The following CFAP20DC variants were observed in gnomAD, a reference collection of about 807,000 sequenced individuals.
The protein encoded by CFAP20DC is CFAP20 domain containing, also known as protein CFAP20DC.
CFAP20DC carries 84 observed loss-of-function variants against 101.7 expected under a neutral mutation model. The ratio of observed to expected loss-of-function variants is 0.83; its 90% CI spans 0.69 to 0.99. The LOEUF (loss-of-function observed/expected upper bound fraction) is 0.99, where lower values mean the gene tolerates loss of function less well. Ranked by LOEUF, CFAP20DC falls within the 50% of genes least tolerant of loss-of-function variation. CFAP20DC has a pLI of 0.00. For missense variants in CFAP20DC, 1,007 were observed against 970.3 expected (o/e 1.04, Z -0.50); for synonymous variants, 359 against 351.2 (o/e 1.02, Z -0.25).
intron 3 of CFAP20DC, among the ~76,000 whole-genome samples, chr3:58,723,792 C>T (rs1052088889): frequency 6.6e-6 from 1 of 152,172 alleles, no homozygotes; most frequent in Admixed American, 6.5e-5. Flanking sequence ...GCAAGTAATG[C>T]CTGGCATGTG....
intron 5 of CFAP20DC, among the ~76,000 whole-genome samples, chr3:58,922,807 G>GA (rs1553724797): frequency 6.7e-6 from 1 of 148,670 alleles, no homozygotes; most frequent in Non-Finnish European, 1.5e-5. Flanking sequence ...TCTTTGTTCT[G>GA]TTTTTTTTTC....
At chr3:58,817,516 G>A (rs1192720806) in intron 14 of CFAP20DC, among the ~76,000 whole-genome samples, 8 of 145,030 alleles carry the variant, frequency 5.5e-5, no homozygotes, top group Non-Finnish European at 1.1e-4. Context: ...GAGCCGATGC[G>A]ATCAACTGGA....
intron 15 of CFAP20DC, among the ~76,000 whole-genome samples, chr3:58,778,793 C>G (rs1288115264): frequency 6.6e-6 from 1 of 152,190 alleles, no homozygotes; most frequent in Non-Finnish European, 1.5e-5. Context: ...CCCAGCAAAA[C>G]TTCACTAAGT....
chr3:58,784,543 T>C (rs549680379), intron 15 of CFAP20DC, among the ~76,000 whole-genome samples: 2 of 152,178 alleles, frequency 1.3e-5, no homozygotes, highest in African/African-American at 2.4e-5. Context: ...AGGAATGAGA[T>C]AATATTCTTT....
chr3:58,761,669 C>G (rs1052452904), intron 15 of CFAP20DC, among the ~76,000 whole-genome samples: 6 of 152,246 alleles, frequency 3.9e-5, no homozygotes, highest in African/African-American at 1.4e-4. Context: ...CTCTTGTGGG[C>G]ATTTAGTGCT....
chr3:58,741,499 ATTTT>A (rs570289689), downstream of CFAP20DC, among the ~76,000 whole-genome samples: 2 of 142,978 alleles, frequency 1.4e-5, no homozygotes, highest in South Asian at 4.5e-4. Flanking sequence ...TTGTCAAAAT[ATTTT>A]TTTTTTTTTT....
chr3:58,929,696 T>C (rs958568409), intron 5 of CFAP20DC, among the ~76,000 whole-genome samples: 2 of 152,208 alleles, frequency 1.3e-5, no homozygotes, highest in African/African-American at 4.8e-5. Flanking sequence ...TTATATTTAA[T>C]TCCCATTCTT....
intron 3 of CFAP20DC, among the ~76,000 whole-genome samples, chr3:58,719,254 A>G (rs1033783028): frequency 1.1e-4 from 17 of 151,966 alleles, no homozygotes; most frequent in African/African-American, 4.1e-4. Flanking sequence ...ACAAAAGAAA[A>G]ATGCTGTTTT....
intron 14 of CFAP20DC, among the ~76,000 whole-genome samples, chr3:58,818,793 A>G (rs2075393973): frequency 8.1e-6 from 1 of 123,384 alleles, no homozygotes; most frequent in Admixed American, 8.7e-5. Flanking sequence ...AAGCGGACCT[A>G]ATAGACATCT....
rs892464548 is a variant in CFAP20DC at position 58,861,539 on chromosome 3, A to G, written c.1593+2019T>C. On this transcript the variant is annotated intron_variant, in intron 12 of 16. Coordinates refer to ENST00000482387, the MANE Select transcript of CFAP20DC (RefSeq NM_001394063.1). This position sits in a 1 kb window ranked among gnomAD's most constrained non-coding sequence, Gnocchi z 4.0. The stretch of plus-strand genomic sequence containing the variant: ...AGGAAAAGAAATTACCAAAAGTACA[A>G]AAGAAAAAATCCAATTTTGTTAAGA... 1.0e-6 allele frequency: 1 copy of G among 980,512 alleles called. No homozygotes were observed. The highest frequency in any genetic ancestry group is 6.2e-5 in the Admixed American group (1 of 16,258). The allele number at this position is 980,512 out of a possible 1,614,324, so 60.7% of individuals were successfully genotyped here.
chr3:58,730,836 A>AGGT (rs1334089257), intron 3 of CFAP20DC, among the ~76,000 whole-genome samples: 7 of 152,192 alleles, frequency 4.6e-5, no homozygotes. Context: ...AGTGTGGTTC[A>AGGT]GTGATAACAC....
intron 7 of CFAP20DC, among the ~76,000 whole-genome samples, chr3:58,878,443 A>G (rs2080940421): frequency 6.6e-6 from 1 of 152,182 alleles, no homozygotes; most frequent in African/African-American, 2.4e-5. Flanking sequence ...TTTCTTCATA[A>G]ACCCTTAATT....
At chr3:58,801,164 G>T (rs1305916977) in intron 15 of CFAP20DC, among the ~76,000 whole-genome samples, 1 of 152,110 alleles carries the variant, frequency 6.6e-6, no homozygotes, top group Non-Finnish European at 1.5e-5. Flanking sequence ...AGACCCGTGG[G>T]TTCTAAATGT....
chr3:58,905,700 A>G (rs1024702159), intron 6 of CFAP20DC, among the ~76,000 whole-genome samples: 6 of 152,210 alleles, frequency 3.9e-5, no homozygotes, highest in Non-Finnish European at 8.8e-5. Flanking sequence ...TCAAGTAAGC[A>G]CTTAATTCAA....
Position 58,978,131 on chromosome 3 carries a change from C to T in CFAP20DC, c.279-40369G>A, listed in dbSNP as rs150700338. ...TGGAGCAAAAAGAGAGAAAAAAATGCGGGGAAGCATCAGGCAGCTTCATTA... is the reference window on the plus strand; with the variant it reads ...TGGAGCAAAAAGAGAGAAAAAAATGTGGGGAAGCATCAGGCAGCTTCATTA... On this transcript the variant is annotated intron_variant, in intron 4 of 16. Coordinates refer to ENST00000482387, the MANE Select transcript of CFAP20DC (RefSeq NM_001394063.1). Among the ~76,000 whole-genome samples, 753 of 152,174 alleles carry T rather than the reference C, an allele frequency of 4.9e-3. 4 individuals carry two copies. The highest frequency in any genetic ancestry group is 8.3e-3 in the Non-Finnish European group (563 of 67,978).
At chr3:58,989,485 T>G (rs1448467795) in intron 4 of CFAP20DC, among the ~76,000 whole-genome samples, 1 of 152,146 alleles carries the variant, frequency 6.6e-6, no homozygotes, top group African/African-American at 2.4e-5. Flanking sequence ...GATGACACTA[T>G]AAGTAGTTCA....
At chr3:58,947,582 T>C (rs1384998176) in intron 4 of CFAP20DC, among the ~76,000 whole-genome samples, 1 of 152,226 alleles carries the variant, frequency 6.6e-6, no homozygotes, top group African/African-American at 2.4e-5. Context: ...TCATGACTTA[T>C]ATCCTTGAGA....
intron 5 of CFAP20DC, among the ~76,000 whole-genome samples, chr3:58,922,281 T>C (rs557010427): frequency 2.0e-5 from 3 of 152,322 alleles, no homozygotes; most frequent in African/African-American, 4.8e-5. Context: ...CAGTTCTCTA[T>C]TCCTACAATC....
intron 15 of CFAP20DC, among the ~76,000 whole-genome samples, chr3:58,805,247 A>C (rs2073973076): frequency 6.6e-6 from 1 of 152,194 alleles, no homozygotes; most frequent in African/African-American, 2.4e-5. Flanking sequence ...CCATATGTGG[A>C]CTATGGAGCA....
Sources: gnomAD v4.1 joint callset for allele counts (sites outside exome capture counted in the v4.1 genomes callset) on GRCh38, gnomAD v4.1.1 for gene constraint, Gnocchi (gnomAD v3.1) non-coding constraint, MANE v1.5 for transcripts, NCBI Gene and HGNC (gene_info 2026-07-23, HGNC 2026-07-21) for gene names.